The following TULP4 variants were observed in gnomAD, a reference collection of about 807,000 sequenced individuals.
TULP4 encodes TUB like protein 4, also known as tubby-related protein 4.
TULP4 carries 16 observed loss-of-function variants against 129.0 expected under a neutral mutation model. The ratio of observed to expected loss-of-function variants is 0.12; its 90% confidence interval spans 0.08 to 0.19. The LOEUF is 0.19. Ranked by LOEUF, TULP4 falls within the 10% of genes least tolerant of loss-of-function variation. TULP4 has a pLI of 1.00. For synonymous variants in TULP4, 998 were observed against 854.0 expected (o/e 1.17, Z -2.94); for missense variants, 1,842 against 2,059.1 (o/e 0.89, Z 2.04).
chr6:158,324,039 T>C (rs924306848), intron 1 of TULP4, among the ~76,000 whole-genome samples: 2 of 152,208 alleles, frequency 1.3e-5, no homozygotes, highest in East Asian at 1.9e-4. Flanking sequence ...ATTTACTGTA[T>C]TGAGCGAAAT....
intron 1 of TULP4, among the ~76,000 whole-genome samples, chr6:158,363,021 G>A (rs547089928): frequency 1.7e-4 from 23 of 133,724 alleles, no homozygotes; most frequent in South Asian, 4.7e-4. Flanking sequence ...AAGATTGCGC[G>A]TCTGCACTCT....
chr6:158,390,622 A>G (rs553503655), intron 1 of TULP4, among the ~76,000 whole-genome samples: 2 of 152,226 alleles, frequency 1.3e-5, no homozygotes, highest in Admixed American at 6.5e-5. Context: ...CAAGCAAATC[A>G]CAACAGGAAA....
intron 1 of TULP4, among the ~76,000 whole-genome samples, chr6:158,335,202 G>A (rs370930545): frequency 1.1e-4 from 16 of 151,308 alleles, no homozygotes; most frequent in African/African-American, 3.6e-4. Context: ...ACTTGAACCC[G>A]GGAGGCAGAG....
upstream of TULP4, among the ~76,000 whole-genome samples, chr6:158,308,973 G>A (rs1254924046): frequency 4.8e-5 from 7 of 145,082 alleles, no homozygotes; most frequent in Non-Finnish European, 1.1e-4. Flanking sequence ...GCGGCTGGCC[G>A]GGCAGGGGGC....
Position 158,357,245 on chromosome 6 carries a change from G to A in TULP4, c.252+42977G>A, listed in dbSNP as rs573735286. On this transcript the variant is annotated intron_variant, in intron 1 of 13. Transcript: ENST00000367097. Reference sequence around the variant, plus strand: ...AGGTTTTATTTGTCTAGAAATGAGAGCCTTGTCTGAGGAGAACATGCATTT... The same window carrying A: ...AGGTTTTATTTGTCTAGAAATGAGAACCTTGTCTGAGGAGAACATGCATTT... 4.2e-4 allele frequency among the ~76,000 whole-genome samples: 64 copies of A among 152,222 alleles called. 1 individual carries two copies. The highest frequency in any genetic ancestry group is 3.7e-3 in the South Asian group (18 of 4,828).
intron 1 of TULP4, among the ~76,000 whole-genome samples, chr6:158,261,573 A>G (rs748059155): frequency 5.3e-5 from 8 of 152,234 alleles, no homozygotes; most frequent in Non-Finnish European, 1.2e-4. Flanking sequence ...AAATGTCAAA[A>G]TGAGACAGTG....
intron 1 of TULP4, among the ~76,000 whole-genome samples, chr6:158,410,391 C>G (rs1049191544): frequency 1.3e-5 from 2 of 152,188 alleles, no homozygotes; most frequent in Admixed American, 6.5e-5. Flanking sequence ...TGGCTAGCCT[C>G]TCTCCTCTGG....
chr6:158,371,327 G>T (rs772120035), intron 1 of TULP4, among the ~76,000 whole-genome samples: 11 of 152,198 alleles, frequency 7.2e-5, no homozygotes, highest in Non-Finnish European at 1.2e-4. Flanking sequence ...TGGCTGGGCT[G>T]GCTTGAGCCA....
At chr6:158,446,277 C>T (rs78874612) in intron 3 of TULP4, among the ~76,000 whole-genome samples, 346 of 152,280 alleles carry the variant, frequency 2.3e-3, no homozygotes, top group African/African-American at 8.0e-3. Flanking sequence ...TCCATCATTG[C>T]TTGATAATTA....
intron 1 of TULP4, among the ~76,000 whole-genome samples, chr6:158,304,416 T>C (rs1466350636): frequency 6.6e-6 from 1 of 152,220 alleles, no homozygotes; most frequent in African/African-American, 2.4e-5. Context: ...TAAGCTGTAA[T>C]TATTAGAAAC....
At chr6:158,501,113 C>G (rs569722000) in intron 12 of TULP4, among the ~76,000 whole-genome samples, 5 of 152,250 alleles carry the variant, frequency 3.3e-5, no homozygotes, top group Admixed American at 1.3e-4. Flanking sequence ...TCATATGATA[C>G]TCAGATTCAC....
At chr6:158,266,077 T>G (rs956231129) in intron 1 of TULP4, among the ~76,000 whole-genome samples, 3 of 152,242 alleles carry the variant, frequency 2.0e-5, no homozygotes, top group Non-Finnish European at 4.4e-5. Context: ...ACCATTGTTA[T>G]AACTCTTAAG....
chr6:158,459,144 G>C lies in TULP4; in HGVS notation c.860-2419G>C, dbSNP rs148111650. ...TAACTTTGCACCTGCATTAGAAGAA[G>C]TCCTGGCCGGGCGCGGTGGCTCACG... On this transcript the variant is annotated intron_variant, in intron 5 of 13. Transcript: ENST00000367097. Among the ~76,000 whole-genome samples the C allele has an allele frequency of 4.6e-3, 699 of 152,312 alleles. 2 individuals are homozygous for C. Among genetic ancestry groups the C allele is most frequent in the Non-Finnish European group, 7.3e-3 (500 of 68,032 alleles).
chr6:158,441,415 C>T (rs1479316462), intron 3 of TULP4, among the ~76,000 whole-genome samples: 2 of 152,166 alleles, frequency 1.3e-5, no homozygotes, highest in African/African-American at 2.4e-5. Flanking sequence ...GTTAATGCAA[C>T]GTTAGATTTT....
chr6:158,245,166 T>TC (rs1778005527), intron 1 of TULP4, among the ~76,000 whole-genome samples: 1 of 151,664 alleles, frequency 6.6e-6, no homozygotes, highest in Non-Finnish European at 1.5e-5. Flanking sequence ...TAAATTTTTT[T>TC]TTTTTTTTTT....
At chr6:158,359,508 C>G (rs564525092) in intron 1 of TULP4, among the ~76,000 whole-genome samples, 125 of 152,270 alleles carry the variant, frequency 8.2e-4, no homozygotes, top group African/African-American at 2.8e-3. Flanking sequence ...TGTTTGAGGG[C>G]AGGAAGCGTC....
intron 1 of TULP4, among the ~76,000 whole-genome samples, chr6:158,347,427 C>T (rs1400883568): frequency 6.6e-6 from 1 of 152,204 alleles, no homozygotes; most frequent in East Asian, 1.9e-4. Flanking sequence ...TGGATTAGTG[C>T]ACTGACATAC....
At chr6:158,248,681 G>T (rs1478983343) in intron 1 of TULP4, among the ~76,000 whole-genome samples, 1 of 152,120 alleles carries the variant, frequency 6.6e-6, no homozygotes, top group Non-Finnish European at 1.5e-5. Context: ...GGTTGAGGCT[G>T]CAGTGAGCCA....
chr6:158,486,850 C>G (rs1780084176), intron 8 of TULP4, among the ~76,000 whole-genome samples: 1 of 152,136 alleles, frequency 6.6e-6, no homozygotes, highest in Non-Finnish European at 1.5e-5. Flanking sequence ...GTGGCTCACC[C>G]CTGTAATCCC....
Sources: gnomAD v4.1 joint callset for allele counts (sites outside exome capture counted in the v4.1 genomes callset) on GRCh38, gnomAD v4.1.1 for gene constraint, MANE v1.5 for transcripts, NCBI Gene and HGNC (gene_info 2026-07-23, HGNC 2026-07-21) for gene names.